The following PHLPP1 variants were observed in gnomAD, a reference collection of about 807,000 sequenced individuals.
PHLPP1 encodes PH domain leucine-rich repeat-containing protein phosphatase 1.
PHLPP1 carries 42 observed loss-of-function variants against 117.2 expected under a neutral mutation model. The observed-to-expected ratio is 0.36, with a 90% confidence interval of 0.28 to 0.46. The LOEUF is 0.46. Among genes scored for constraint, PHLPP1 ranks in the 20% least tolerant of loss-of-function variants. The pLI is 1.00. For synonymous variants in PHLPP1, 1,042 were observed against 970.7 expected (o/e 1.07, Z -1.37); for missense variants, 2,084 against 2,241.9 (o/e 0.93, Z 1.42).
chr18:62,966,085 TTTC>T lies in PHLPP1; in HGVS notation c.3560+2616_3560+2618del, dbSNP rs772584761. Among the ~76,000 whole-genome samples, 65 of 152,260 alleles carry T rather than the reference TTTC, an allele frequency of 4.3e-4. 1 individual carries two copies. Among genetic ancestry groups the T allele is most frequent in the Admixed American group, 1.0e-3 (16 of 15,300 alleles). Reference sequence around the variant, plus strand: ...CTGGCTTTGCACCTGGGTTCTATACTTTCTTGCTGTGTGACCATGGGCAGTTTC... The same window carrying T: ...CTGGCTTTGCACCTGGGTTCTATACTTTGCTGTGTGACCATGGGCAGTTTC... On this transcript the variant is annotated intron_variant, in intron 14 of 16. Transcript: ENST00000262719.
chr18:62,927,308 A>T (rs1285367384), intron 10 of PHLPP1, among the ~76,000 whole-genome samples: 1 of 152,214 alleles, frequency 6.6e-6, no homozygotes, highest in East Asian at 1.9e-4. Context: ...TGGGAAAAAG[A>T]TGAACAGATC....
At chr18:62,814,593 G>A (rs1428635831) in intron 1 of PHLPP1, among the ~76,000 whole-genome samples, 2 of 152,228 alleles carry the variant, frequency 1.3e-5, no homozygotes, top group Non-Finnish European at 2.9e-5. Flanking sequence ...GGTGAGGTGA[G>A]AGTTGAGTGT....
At chr18:62,791,318 C>A (rs1025671933) in intron 1 of PHLPP1, among the ~76,000 whole-genome samples, 2 of 152,048 alleles carry the variant, frequency 1.3e-5, no homozygotes, top group Non-Finnish European at 2.9e-5. Flanking sequence ...GCATGCTAGC[C>A]TGACAGCACT....
intron 15 of PHLPP1, among the ~76,000 whole-genome samples, chr18:62,973,879 C>T (rs185216919): frequency 7.9e-4 from 121 of 152,284 alleles, no homozygotes; most frequent in Middle Eastern, 6.8e-3. Context: ...ACAGTGCCTA[C>T]GGGCTAATAG....
chr18:62,845,693 C>T (rs142451722), intron 3 of PHLPP1, among the ~76,000 whole-genome samples: 10 of 152,126 alleles, frequency 6.6e-5, no homozygotes, highest in African/African-American at 2.4e-4. Context: ...AAGTGTAGTT[C>T]AGGAAGTCTG....
chr18:62,783,150 T>TAA (rs1420812535), intron 1 of PHLPP1, among the ~76,000 whole-genome samples: 5 of 123,388 alleles, frequency 4.1e-5, no homozygotes, highest in Non-Finnish European at 6.6e-5. Flanking sequence ...TTCAGAGTTT[T>TAA]AAAAAAAAAA....
chr18:62,721,681 G>T (rs897992849), intron 1 of PHLPP1, among the ~76,000 whole-genome samples: 1 of 151,944 alleles, frequency 6.6e-6, no homozygotes, highest in Non-Finnish European at 1.5e-5. Flanking sequence ...TCCTAAATTC[G>T]TGTGTCTTTT....
intron 4 of PHLPP1, among the ~76,000 whole-genome samples, chr18:62,870,041 C>T (rs1235672849): frequency 2.0e-5 from 3 of 152,074 alleles, no homozygotes; most frequent in Non-Finnish European, 4.4e-5. Context: ...TACAGGTGCG[C>T]GCCAACACGC....
At position 62,860,805 on chromosome 18, in the gene PHLPP1, T is replaced by G. The variant is rs543732579; in HGVS notation, c.2066+204T>G. ...TTTTTAAGGTTCTTGCTTTTGAAAC[T>G]AATGATTTATGATATTTATTAACTG... On this transcript the variant is annotated intron_variant, in intron 4 of 16. Transcript: ENST00000262719. Among the ~76,000 whole-genome samples the G allele has an allele frequency of 3.3e-5, 5 of 152,358 alleles. No homozygotes were observed. The South Asian group carries it at 6.2e-4, about 19-fold the overall frequency.
intron 1 of PHLPP1, among the ~76,000 whole-genome samples, chr18:62,794,583 A>G (rs527368864): frequency 2.8e-4 from 43 of 152,082 alleles, no homozygotes; most frequent in Admixed American, 1.6e-3. Context: ...CTGTGTTGTC[A>G]AGGTTGATTT....
chr18:62,816,054 CT>C (rs1189832475), intron 1 of PHLPP1, among the ~76,000 whole-genome samples: 1 of 152,106 alleles, frequency 6.6e-6, no homozygotes, highest in Non-Finnish European at 1.5e-5. Context: ...AACCAGTTTC[CT>C]TTTGTTGAAT....
At chr18:62,888,287 ATGTGTGTGTGTGTGTGTGTGTGTG>A (rs200659921) in intron 4 of PHLPP1, among the ~76,000 whole-genome samples, 57 of 130,896 alleles carry the variant, frequency 4.4e-4, no homozygotes, top group Non-Finnish European at 5.7e-4. Flanking sequence ...ATTTCACAAA[ATGTGTGTGTGTGTGTGTGTGTGTG>A]TGTGTGTGTG....
chr18:62,753,443 C>T (rs1377180965), intron 1 of PHLPP1, among the ~76,000 whole-genome samples: 1 of 152,148 alleles, frequency 6.6e-6, no homozygotes, highest in East Asian at 1.9e-4. Flanking sequence ...TAATAACTAT[C>T]ATTTGTTGCA....
At chr18:62,756,357 G>A (rs907138970) in intron 1 of PHLPP1, among the ~76,000 whole-genome samples, 2 of 152,228 alleles carry the variant, frequency 1.3e-5, no homozygotes, top group African/African-American at 4.8e-5. Flanking sequence ...GTCCTGCCAT[G>A]TGCCCAGAAG....
intron 3 of PHLPP1, among the ~76,000 whole-genome samples, chr18:62,841,939 T>G (rs1404482997): frequency 1.3e-5 from 2 of 152,184 alleles, no homozygotes; most frequent in African/African-American, 4.8e-5. Context: ...AGTTTCAAAG[T>G]AAGGCAGGCA....
chr18:62,731,400 T>A (rs1219870150), intron 1 of PHLPP1: 2 of 152,162 alleles, frequency 1.3e-5, no homozygotes, highest in Admixed American at 1.3e-4. Context: ...ATTGTAATTG[T>A]TTTGGGGCAT....
At chr18:62,973,711 C>T (rs1325635007) in intron 15 of PHLPP1, among the ~76,000 whole-genome samples, 3 of 152,172 alleles carry the variant, frequency 2.0e-5, no homozygotes, top group African/African-American at 7.2e-5. Flanking sequence ...CTTTCAGATT[C>T]TCAGTGAGCA....
At chr18:62,807,718 A>G (rs896922445) in intron 1 of PHLPP1, among the ~76,000 whole-genome samples, 4 of 152,214 alleles carry the variant, frequency 2.6e-5, no homozygotes, top group African/African-American at 4.8e-5. Context: ...TTGTAACACA[A>G]TGGGAAGTAT....
chr18:62,775,789 A>G (rs1912934757), intron 1 of PHLPP1, among the ~76,000 whole-genome samples: 1 of 152,202 alleles, frequency 6.6e-6, no homozygotes, highest in Admixed American at 6.5e-5. Flanking sequence ...CACCACAGTC[A>G]AGATATAAAA....
Sources: allele counts gnomAD v4.1 joint callset (sites outside exome capture counted in the v4.1 genomes callset), GRCh38; gene constraint gnomAD v4.1.1; transcripts MANE v1.5; gene names NCBI Gene and HGNC (gene_info 2026-07-23, HGNC 2026-07-21).